Variants in UBTD1 observed in about 807,000 individuals in gnomAD.
The protein encoded by UBTD1 is ubiquitin domain-containing protein 1.
In UBTD1, 19 loss-of-function variants were observed where a neutral mutation model predicts 21.7. The observed-to-expected ratio is 0.87, with a 90% CI of 0.61 to 1.28. UBTD1 has a LOEUF of 1.28. UBTD1 is among the 50% of genes most tolerant of loss of function. UBTD1 has a pLI of 0.00. For missense variants in UBTD1, 282 were observed against 315.1 expected (o/e 0.89, Z 0.80); for synonymous variants, 116 against 135.1 (o/e 0.86, Z 0.98).
intron 1 of UBTD1, among the ~76,000 whole-genome samples, chr10:97,558,132 C>T (rs145369302): frequency 0.018 from 2,694 of 151,946 alleles, 90 homozygotes; most frequent in African/African-American, 0.063. Flanking sequence ...CTCCCATCCA[C>T]GTACAGCTCC....
chr10:97,500,993 CT>C (rs1013821790), intron 1 of UBTD1, among the ~76,000 whole-genome samples: 2 of 152,198 alleles, frequency 1.3e-5, no homozygotes, highest in African/African-American at 4.8e-5. Flanking sequence ...TTCCAGCTGC[CT>C]AACTTTAGGC....
chr10:97,517,736 C>T (rs2040450632), intron 1 of UBTD1, among the ~76,000 whole-genome samples: 1 of 152,170 alleles, frequency 6.6e-6, no homozygotes, highest in African/African-American at 2.4e-5. Context: ...CTGCTGCCAA[C>T]CGTGTTCCCG....
At chr10:97,542,459 C>G (rs1183299707) in intron 1 of UBTD1, among the ~76,000 whole-genome samples, 1 of 152,216 alleles carries the variant, frequency 6.6e-6, no homozygotes, top group Non-Finnish European at 1.5e-5. Flanking sequence ...CCACTCATCC[C>G]CTTGTCTTGG....
At position 97,499,097 on chromosome 10, in the gene UBTD1, G is replaced by A; in HGVS notation, c.-107G>A. ...CGCGCCCCCGGGGGGAGATCGGGGAGCGCCCGATGCCGGGCGGCCGGAGCC... is the reference window on the plus strand; with the variant it reads ...CGCGCCCCCGGGGGGAGATCGGGGAACGCCCGATGCCGGGCGGCCGGAGCC... On this transcript the variant is annotated 5_prime_UTR_variant, in exon 1 of 3. Coordinates refer to ENST00000370664, the MANE Select transcript of UBTD1 (RefSeq NM_024954.5). 1 of 1,281,358 alleles carries A rather than the reference G, an allele frequency of 7.8e-7. No homozygotes were observed. The allele number at this position is 1,281,358 out of a possible 1,614,324, so 79.4% of individuals were successfully genotyped here.
chr10:97,506,293 G>T (rs113832208), intron 1 of UBTD1, among the ~76,000 whole-genome samples: 286 of 152,252 alleles, frequency 1.9e-3, no homozygotes, highest in Middle Eastern at 6.8e-3. Context: ...AGTCCTACCC[G>T]GTCAGTTACT....
chr10:97,532,105 A>T (rs544854193), intron 1 of UBTD1, among the ~76,000 whole-genome samples: 1 of 152,246 alleles, frequency 6.6e-6, no homozygotes, highest in Admixed American at 6.5e-5. Context: ...GAAAGGTGAG[A>T]GAGTCAAGGA....
At chr10:97,563,792 G>T (rs1326722617) in intron 1 of UBTD1, among the ~76,000 whole-genome samples, 1 of 152,188 alleles carries the variant, frequency 6.6e-6, no homozygotes, top group Non-Finnish European at 1.5e-5. Flanking sequence ...GGTGCAGTCC[G>T]AGTGGGTGGG....
chr10:97,541,944 CA>C (rs887312790), intron 1 of UBTD1, among the ~76,000 whole-genome samples: 3 of 151,944 alleles, frequency 2.0e-5, no homozygotes, highest in African/African-American at 7.3e-5. Context: ...CCATGTTTAC[CA>C]GGCTGGTCTC....
chr10:97,568,375 A>G (rs186886073), intron 2 of UBTD1, among the ~76,000 whole-genome samples: 62 of 152,278 alleles, frequency 4.1e-4, no homozygotes, highest in Non-Finnish European at 7.6e-4. Context: ...CAGTGTCACA[A>G]ATGCACTTTG....
intron 1 of UBTD1, among the ~76,000 whole-genome samples, chr10:97,559,005 T>C (rs1470113141): frequency 2.6e-5 from 4 of 152,174 alleles, no homozygotes; most frequent in African/African-American, 9.7e-5. Flanking sequence ...CCACCACGCA[T>C]CCGCTCGGGG....
rs368185280 is a variant in UBTD1 at position 97,547,855 on chromosome 10, C to T, written c.71-20059C>T. 5.9e-5 allele frequency among the ~76,000 whole-genome samples: 9 copies of T among 152,072 alleles called. No individual in the cohort carries two copies. In the East Asian group the frequency reaches 9.7e-4, roughly 16 times the overall value. ...CTGGGATCACAGGCATGAGCCATCA[C>T]GCCCAGCCTCGCAGTTTTCATTTTT... On this transcript the variant is annotated intron_variant, in intron 1 of 2. Coordinates refer to ENST00000370664, the MANE Select transcript of UBTD1 (RefSeq NM_024954.5).
intron 1 of UBTD1, among the ~76,000 whole-genome samples, chr10:97,518,360 A>G (rs1204177038): frequency 6.6e-6 from 1 of 152,134 alleles, no homozygotes; most frequent in African/African-American, 2.4e-5. Flanking sequence ...CCCCTCCCCG[A>G]GGACAAGGCC....
At chr10:97,542,150 G>A (rs570219179) in intron 1 of UBTD1, among the ~76,000 whole-genome samples, 7 of 152,292 alleles carry the variant, frequency 4.6e-5, no homozygotes, top group South Asian at 2.1e-4. Context: ...GTTCCAGGGC[G>A]GGGGTCAGGC....
chr10:97,552,708 A>G (rs1034591903), intron 1 of UBTD1, among the ~76,000 whole-genome samples: 19 of 152,046 alleles, frequency 1.2e-4, no homozygotes, highest in Non-Finnish European at 2.2e-4. Flanking sequence ...TGGCCAATAC[A>G]TACTTTTTTT....
intron 1 of UBTD1, among the ~76,000 whole-genome samples, chr10:97,505,278 C>T (rs979484358): frequency 3.3e-5 from 5 of 152,322 alleles, no homozygotes; most frequent in African/African-American, 1.2e-4. Context: ...GTATGTCTGT[C>T]CCCTGCCTAG....
intron 1 of UBTD1, among the ~76,000 whole-genome samples, chr10:97,513,144 G>A (rs889024161): frequency 6.6e-6 from 1 of 152,228 alleles, no homozygotes; most frequent in South Asian, 2.1e-4. Flanking sequence ...CAGGGGTGGT[G>A]CTGGTATCCG....
chr10:97,519,209 C>T (rs2040456946), intron 1 of UBTD1, among the ~76,000 whole-genome samples: 1 of 152,232 alleles, frequency 6.6e-6, no homozygotes, highest in Admixed American at 6.5e-5. Flanking sequence ...CCTTTGTTCT[C>T]CTTTCTCTGT....
chr10:97,564,715 T>A (rs558735004), intron 1 of UBTD1, among the ~76,000 whole-genome samples: 4 of 152,222 alleles, frequency 2.6e-5, no homozygotes, highest in African/African-American at 7.2e-5. Flanking sequence ...AGGTGCCTGC[T>A]GCCACGCCCA....
intron 1 of UBTD1, among the ~76,000 whole-genome samples, chr10:97,536,739 C>T (rs1441556561): frequency 6.6e-6 from 1 of 152,110 alleles, no homozygotes; most frequent in East Asian, 1.9e-4. Flanking sequence ...CCTACCTCAC[C>T]CTCTTTCAAG....
Sources: allele counts gnomAD v4.1 joint callset (sites outside exome capture counted in the v4.1 genomes callset), GRCh38; gene constraint gnomAD v4.1.1; transcripts MANE v1.5; gene names NCBI Gene and HGNC (gene_info 2026-07-23, HGNC 2026-07-21).